Variants in DMD observed in about 807,000 individuals in gnomAD.
DMD encodes the protein mutant dystrophin.
In DMD, 63 loss-of-function variants were observed where a neutral mutation model predicts 330.1. The observed-to-expected ratio is 0.19, with a 90% CI of 0.16 to 0.24. The LOEUF (loss-of-function observed/expected upper bound fraction) is 0.24, where lower values mean the gene tolerates loss of function less well. Ranked by LOEUF, DMD falls within the 10% of genes least tolerant of loss-of-function variation. The probability of loss-of-function intolerance (pLI) is 1.00; values close to 1 mark genes in which losing one functional copy is unlikely to be tolerated. For missense variants in DMD, 3,344 were observed against 2,684.1 expected (o/e 1.25, Z -5.43); for synonymous variants, 1,223 against 959.8 (o/e 1.27, Z -5.07).
intron 7 of DMD, among the ~76,000 whole-genome samples, chrX:32,784,778 CATTT>C (rs1339906840): frequency 2.7e-5 from 3 of 111,461 alleles, no homozygotes; most frequent in African/African-American, 9.7e-5. Context: ...AATATTTGTA[CATTT>C]ATTAGAATGA....
At chrX:31,348,849 C>T (rs2058240672) in intron 60 of DMD, among the ~76,000 whole-genome samples, 1 of 111,728 alleles carries the variant, frequency 9.0e-6, no homozygotes, top group African/African-American at 3.3e-5. Context: ...TTTCCTCTCT[C>T]GACAATGTTA....
At chrX:32,488,008 A>T (rs1338132998) in intron 20 of DMD, among the ~76,000 whole-genome samples, 2 of 110,004 alleles carry the variant, frequency 1.8e-5, no homozygotes, top group Non-Finnish European at 3.8e-5. Context: ...ATTTGGCCAG[A>T]TGGAGGGCTG....
At chrX:33,181,169 A>G (rs1159791629) in intron 1 of DMD, among the ~76,000 whole-genome samples, 1 of 111,514 alleles carries the variant, frequency 9.0e-6, no homozygotes, top group African/African-American at 3.3e-5. Flanking sequence ...TGAAAGTTTC[A>G]GCACCTCAGT....
At chrX:31,858,253 C>T (rs750454229) in intron 48 of DMD, among the ~76,000 whole-genome samples, 35 of 111,106 alleles carry the variant, frequency 3.2e-4, no homozygotes, top group Non-Finnish European at 6.0e-4. Flanking sequence ...ATTTCTAAGC[C>T]GTAAATTCAA....
chrX:31,308,316 T>C (rs758297805), intron 62 of DMD, among the ~76,000 whole-genome samples: 2 of 112,191 alleles, frequency 1.8e-5, no homozygotes, highest in Non-Finnish European at 3.8e-5. Context: ...ACTGAAGGAA[T>C]ATATTCACTT....
chrX:31,749,279 G>C (rs2088190502), intron 51 of DMD, among the ~76,000 whole-genome samples: 1 of 92,927 alleles, frequency 1.1e-5, no homozygotes, highest in Non-Finnish European at 2.1e-5. Context: ...ATCTCCCAAT[G>C]CCATCCCTCC....
intron 67 of DMD, among the ~76,000 whole-genome samples, chrX:31,194,987 T>C (rs1442131621): frequency 1.8e-5 from 2 of 111,987 alleles, no homozygotes; most frequent in Non-Finnish European, 3.8e-5. Context: ...AAAATGAGTT[T>C]AAGAGTCCCC....
At chrX:32,513,333 A>G (rs916461196) in intron 18 of DMD, among the ~76,000 whole-genome samples, 3 of 112,344 alleles carry the variant, frequency 2.7e-5, no homozygotes. Flanking sequence ...TGAGGTTTTA[A>G]TATGTTCGCT....
chrX:33,305,318 C>G (rs1440229232), intron 1 of DMD, among the ~76,000 whole-genome samples: 1 of 103,523 alleles, frequency 9.7e-6, no homozygotes, highest in Non-Finnish European at 2.0e-5. Context: ...ATTGCAAGGA[C>G]AAAAAACCAA....
chrX:32,767,981 G>A (rs181055402), intron 7 of DMD, among the ~76,000 whole-genome samples: 18 of 111,620 alleles, frequency 1.6e-4, no homozygotes, highest in African/African-American at 5.8e-4. Flanking sequence ...ATAACATTGA[G>A]TGTTTCACAG....
At chrX:32,221,687 T>C (rs1446950969) in intron 43 of DMD, among the ~76,000 whole-genome samples, 4 of 111,572 alleles carry the variant, frequency 3.6e-5, no homozygotes, top group Non-Finnish European at 7.5e-5. Flanking sequence ...CCAAAGGTAA[T>C]TTTTTATCCC....
intron 44 of DMD, among the ~76,000 whole-genome samples, chrX:32,090,196 C>T (rs2096465883): frequency 1.8e-5 from 2 of 111,714 alleles, no homozygotes; most frequent in African/African-American, 6.5e-5. Flanking sequence ...TCAGAGATTA[C>T]CTTCAAAGTT....
chrX:32,877,829 AT>A (rs1299564232), intron 2 of DMD, among the ~76,000 whole-genome samples: 2 of 111,978 alleles, frequency 1.8e-5, no homozygotes, highest in Non-Finnish European at 3.8e-5. Context: ...AAGCTGAAGC[AT>A]AGTTTAGGCC....
chrX:31,957,039 A>G (rs1005613212), intron 45 of DMD, among the ~76,000 whole-genome samples: 7 of 111,744 alleles, frequency 6.3e-5, no homozygotes, highest in African/African-American at 2.3e-4. Context: ...GTTTACATCT[A>G]GTGTATGGGG....
chrX:31,298,410 T>TACACAC (rs35043650), intron 62 of DMD, among the ~76,000 whole-genome samples: 1 of 97,854 alleles, frequency 1.0e-5, no homozygotes, highest in Non-Finnish European at 2.0e-5. Flanking sequence ...CACACACACA[T>TACACAC]ACACACACAC....
Position 32,816,637 on chromosome X carries a change from T to C in DMD, c.361A>G (p.Lys121Glu). 1.7e-6 allele frequency: 2 copies of C among 1,210,768 alleles called. No homozygotes were observed. ...IWNIILHWQV[K>E]NVMKNIMAGL... ...GCCATGATATTTTTCATTACATTTT[T>C]GACCTACATGTGGAAATAAATTTTC... is the stretch of plus-strand genomic sequence containing the variant. The change falls in exon 6 of 79, where the codon AAA (lysine) becomes GAA (glutamate). Residue 121 changes from lysine to glutamate, a missense_variant. Transcript: ENST00000357033.
Position 31,541,666 on chromosome X carries a change from A to G in DMD, c.8218-34213T>C, listed in dbSNP as rs2073834739. ...ATCCACGTCCCTACAAAGGACTTGA[A>G]CTCATCCTCTTTATGGCTGCATAGT... On this transcript the variant is annotated intron_variant, in intron 55 of 78. Transcript: ENST00000357033. Among the ~76,000 whole-genome samples the G allele has an allele frequency of 4.6e-5, 5 of 109,628 alleles. No individual in the cohort carries two copies. The South Asian group carries it at 2.0e-3, about 43-fold the overall frequency.
chrX:31,968,207 G>T (rs2095368107), intron 45 of DMD, 132 bp downstream of exon 45: 2 of 743,898 alleles, frequency 2.7e-6, no homozygotes, highest in Non-Finnish European at 4.0e-6. Flanking sequence ...TACTGCTGTT[G>T]ATTAATGGTT....
At chrX:31,781,086 T>C (rs1036694598) in intron 50 of DMD, among the ~76,000 whole-genome samples, 1 of 112,270 alleles carries the variant, frequency 8.9e-6, no homozygotes, top group Admixed American at 9.5e-5. Flanking sequence ...AGTAAGATAA[T>C]TGCCACCAAC....
Sources: allele counts gnomAD v4.1 joint callset (sites outside exome capture counted in the v4.1 genomes callset), GRCh38; gene constraint gnomAD v4.1.1; transcripts MANE v1.5; gene names NCBI Gene and HGNC (gene_info 2026-07-23, HGNC 2026-07-21).